OOSP3: variants seen among roughly 807,000 people sequenced by gnomAD.
The protein encoded by OOSP3 is oocyte secreted protein family member 3, also known as oocyte-secreted protein 3.
At chr11:59,893,715 AT>A (rs1853331974) in intron 2 of OOSP3, among the ~76,000 whole-genome samples, 1 of 152,162 alleles carries the variant, frequency 6.6e-6, no homozygotes, top group Middle Eastern at 3.2e-3. Flanking sequence ...CAAATCTCCA[AT>A]TGGTTCAATA....
intron 2 of OOSP3, among the ~76,000 whole-genome samples, chr11:59,892,145 C>A (rs1296734180): frequency 6.6e-6 from 1 of 152,190 alleles, no homozygotes; most frequent in Non-Finnish European, 1.5e-5. Flanking sequence ...TGCTTGGGAC[C>A]CAAGGCCCTG....
chr11:59,879,677 C>T (rs1853182623), intron 1 of OOSP3, among the ~76,000 whole-genome samples: 2 of 152,166 alleles, frequency 1.3e-5, no homozygotes, highest in Admixed American at 1.3e-4. Flanking sequence ...AGTTGACAGA[C>T]TTACCACACA....
At chr11:59,885,714 C>G (rs1231526122) in intron 2 of OOSP3, among the ~76,000 whole-genome samples, 1 of 152,122 alleles carries the variant, frequency 6.6e-6, no homozygotes, top group Non-Finnish European at 1.5e-5. Flanking sequence ...TTTATCCAAT[C>G]TATCATTGAT....
chr11:59,892,725 G>C lies in OOSP3; in HGVS notation c.253-1354G>C, dbSNP rs571763601. ...TAAAAAAAAAAAATGACAATTCTCT[G>C]AAGATGGGGCTTTTGAGGAGCTCCA... On this transcript the variant is annotated intron_variant, in intron 2 of 4. Transcript: ENST00000646438. 2.0e-5 allele frequency among the ~76,000 whole-genome samples: 3 copies of C among 152,074 alleles called. No individual in the cohort carries two copies. In the South Asian group the frequency reaches 6.2e-4, roughly 32 times the overall value.
chr11:59,880,591 C>G (rs1441864500), intron 2 of OOSP3, among the ~76,000 whole-genome samples, 152 bp downstream of exon 2: 2 of 152,134 alleles, frequency 1.3e-5, no homozygotes, highest in Non-Finnish European at 2.9e-5. Context: ...GGTACCTTGA[C>G]TTGGCCATAA....
At chr11:59,880,758 G>A (rs891909414) in intron 2 of OOSP3, among the ~76,000 whole-genome samples, 2 of 152,118 alleles carry the variant, frequency 1.3e-5, no homozygotes, top group African/African-American at 4.8e-5. Flanking sequence ...AGTAACTGAG[G>A]CTAAAATGAG....
chr11:59,883,561 G>T (rs1488085227), intron 2 of OOSP3, among the ~76,000 whole-genome samples: 1 of 152,146 alleles, frequency 6.6e-6, no homozygotes, highest in Non-Finnish European at 1.5e-5. Context: ...AATGTGAACA[G>T]GCACCATAAT....
intron 2 of OOSP3, among the ~76,000 whole-genome samples, chr11:59,884,487 C>G (rs60668860): frequency 1.5e-3 from 197 of 133,154 alleles, no homozygotes; most frequent in African/African-American, 3.8e-3. Flanking sequence ...CTCTCTCTCT[C>G]TCTCTCTCTC....
chr11:59,885,008 A>T (rs570880154), intron 2 of OOSP3, among the ~76,000 whole-genome samples: 2 of 152,236 alleles, frequency 1.3e-5, no homozygotes, highest in African/African-American at 4.8e-5. Flanking sequence ...TGGCTGTGGG[A>T]TTTTCACAGG....
chr11:59,885,908 G>A (rs1853252658), intron 2 of OOSP3, among the ~76,000 whole-genome samples: 1 of 151,424 alleles, frequency 6.6e-6, no homozygotes, highest in African/African-American at 2.4e-5. Context: ...TTTATTTTAT[G>A]TTCTGGGGTA....
At chr11:59,895,804 A>G (rs1482194774) in intron 4 of OOSP3, among the ~76,000 whole-genome samples, 152 bp downstream of exon 4, 2 of 152,174 alleles carry the variant, frequency 1.3e-5, no homozygotes, top group Non-Finnish European at 2.9e-5. Flanking sequence ...TTACATTTCA[A>G]TCCTGTTTAG....
chr11:59,889,134 G>T (rs999113870), intron 2 of OOSP3, among the ~76,000 whole-genome samples: 2 of 151,992 alleles, frequency 1.3e-5, no homozygotes, highest in Admixed American at 1.3e-4. Context: ...AGGGTCAGTG[G>T]TGGTATCCCC....
At chr11:59,894,352 G>C (rs1265312680) in intron 3 of OOSP3, among the ~76,000 whole-genome samples, 176 bp downstream of exon 3, 1 of 152,194 alleles carries the variant, frequency 6.6e-6, no homozygotes, top group Non-Finnish European at 1.5e-5. Context: ...CAGATGCTCT[G>C]CCCAAATGCC....
intron 2 of OOSP3, among the ~76,000 whole-genome samples, chr11:59,885,227 C>T (rs1321861839): frequency 6.6e-6 from 1 of 152,134 alleles, no homozygotes; most frequent in African/African-American, 2.4e-5. Context: ...CCCATTTAGT[C>T]ATACTGCTTA....
At chr11:59,888,923 G>A (rs1364789088) in intron 2 of OOSP3, among the ~76,000 whole-genome samples, 1 of 152,118 alleles carries the variant, frequency 6.6e-6, no homozygotes, top group Non-Finnish European at 1.5e-5. Flanking sequence ...AATCCAACGG[G>A]TCCTGGGCTT....
intron 2 of OOSP3, among the ~76,000 whole-genome samples, chr11:59,882,295 C>G (rs1853210150): frequency 6.6e-6 from 1 of 151,958 alleles, no homozygotes; most frequent in South Asian, 2.1e-4. Context: ...GGCATGAAAA[C>G]CATTTCTAAA....
intron 1 of OOSP3, among the ~76,000 whole-genome samples, chr11:59,879,719 A>T (rs925021238): frequency 7.2e-5 from 11 of 152,184 alleles, no homozygotes. Flanking sequence ...TTCCTTTTGC[A>T]TCATAGAAGG....
At chr11:59,881,132 G>A (rs1258801507) in intron 2 of OOSP3, among the ~76,000 whole-genome samples, 1 of 152,036 alleles carries the variant, frequency 6.6e-6, no homozygotes, top group Non-Finnish European at 1.5e-5. Context: ...AGGCCAAGGC[G>A]GACACGTCAT....
intron 2 of OOSP3, among the ~76,000 whole-genome samples, chr11:59,890,256 G>C (rs1407316064): frequency 1.3e-5 from 2 of 151,974 alleles, no homozygotes; most frequent in Non-Finnish European, 2.9e-5. Context: ...TCTTTTAATT[G>C]GGGCATTTAG....
Sources: allele counts gnomAD v4.1 joint callset (sites outside exome capture counted in the v4.1 genomes callset), GRCh38; gene constraint gnomAD v4.1.1; transcripts MANE v1.5; gene names NCBI Gene and HGNC (gene_info 2026-07-23, HGNC 2026-07-21).